Variants in XKR4 observed in about 807,000 individuals in gnomAD.
XKR4 encodes XK related 4.
Under a neutral mutation model 53.9 loss-of-function variants are expected in XKR4, and 12 were observed. The observed-to-expected ratio is 0.22, with a 90% CI of 0.14 to 0.36. The LOEUF (loss-of-function observed/expected upper bound fraction) is 0.36. Ranked by LOEUF, XKR4 falls within the 10% of genes least tolerant of loss-of-function variation. The pLI, the probability that XKR4 is intolerant of heterozygous loss-of-function variation, is 1.00. For synonymous variants in XKR4, 354 were observed against 362.4 expected, an observed-to-expected ratio of 0.98 and a Z score of 0.26; for missense variants, 799 against 859.5, an observed-to-expected ratio of 0.93 and a Z score of 0.88.
At chr8:55,522,357 TGTC>T (rs1475607877) in intron 2 of XKR4, among the ~76,000 whole-genome samples, 5 of 152,204 alleles carry the variant, frequency 3.3e-5, no homozygotes, top group Admixed American at 6.5e-5. Flanking sequence ...GGAACGGACA[TGTC>T]TTCTTTTGTG....
intron 1 of XKR4, among the ~76,000 whole-genome samples, chr8:55,202,040 G>A (rs1473083245): frequency 6.6e-6 from 1 of 152,192 alleles, no homozygotes; most frequent in Non-Finnish European, 1.5e-5. Context: ...TTAAAGAAGA[G>A]TAACTGCTCA....
intron 1 of XKR4, among the ~76,000 whole-genome samples, chr8:55,156,149 G>T (rs192394383): frequency 2.0e-5 from 3 of 152,072 alleles, no homozygotes; most frequent in South Asian, 2.1e-4. Context: ...GTGACTGTGG[G>T]AGAGGAGCTT....
intron 1 of XKR4, among the ~76,000 whole-genome samples, chr8:55,336,818 C>T (rs1199398605): frequency 6.6e-6 from 1 of 152,112 alleles, no homozygotes; most frequent in East Asian, 1.9e-4. Flanking sequence ...ATTAAACCAT[C>T]AGCACCATGA....
At chr8:55,307,939 C>A (rs749617905) in intron 1 of XKR4, among the ~76,000 whole-genome samples, 1 of 152,086 alleles carries the variant, frequency 6.6e-6, no homozygotes, top group Non-Finnish European at 1.5e-5. Context: ...ATGTATTAGT[C>A]CATTCTCACA....
chr8:55,334,412 C>T (rs1433886648), intron 1 of XKR4, among the ~76,000 whole-genome samples: 2 of 152,158 alleles, frequency 1.3e-5, no homozygotes, highest in African/African-American at 4.8e-5. Context: ...CCATCTATAA[C>T]AGTTTCTCAA....
At chr8:55,222,018 TG>T (rs1262889764) in intron 1 of XKR4, among the ~76,000 whole-genome samples, 1 of 152,226 alleles carries the variant, frequency 6.6e-6, no homozygotes, top group Non-Finnish European at 1.5e-5. Context: ...ACTGAGTCCA[TG>T]GGCCCTGCAT....
chr8:55,211,591 A>G (rs1406348083), intron 1 of XKR4, among the ~76,000 whole-genome samples: 1 of 152,152 alleles, frequency 6.6e-6, no homozygotes, highest in Middle Eastern at 3.2e-3. Context: ...TTATTTAATT[A>G]CTCCATGGGA....
chr8:55,275,920 TCTC>T (rs1818757258), intron 1 of XKR4, among the ~76,000 whole-genome samples: 2 of 152,154 alleles, frequency 1.3e-5, no homozygotes, highest in Non-Finnish European at 2.9e-5. Flanking sequence ...CTTGCTAAGA[TCTC>T]CTCCAAATAG....
At position 55,310,542 on chromosome 8, in the gene XKR4, A is replaced by T. The variant is rs139259824; in HGVS notation, c.807-47136A>T. Among the ~76,000 whole-genome samples the T allele has an allele frequency of 2.4e-3, 370 of 152,328 alleles. 2 individuals are homozygous for T. The highest frequency in any genetic ancestry group is 8.4e-3 in the African/African-American group (350 of 41,580). On this transcript the variant is annotated intron_variant, in intron 1 of 2. Transcript: ENST00000327381. ...AGATTCAAATTATTCTTTTCAAAGT[A>T]TCTTTTCAATATAATGGAATAAATG...
chr8:55,166,493 A>G (rs1200213394), intron 1 of XKR4, among the ~76,000 whole-genome samples: 4 of 152,252 alleles, frequency 2.6e-5, no homozygotes, highest in Non-Finnish European at 5.9e-5. Flanking sequence ...GCAAACAAAC[A>G]ATAGACAAAA....
intron 1 of XKR4, among the ~76,000 whole-genome samples, chr8:55,328,636 C>T (rs1803329790): frequency 1.3e-5 from 2 of 152,204 alleles, no homozygotes; most frequent in South Asian, 4.1e-4. Flanking sequence ...GCACAGAGAG[C>T]AGAGCCCAGC....
rs569753060 is a variant in XKR4 at position 55,540,758 on chromosome 8, C to T, written c.*16531C>T. 58 of 152,280 alleles carry T rather than the reference C, an allele frequency of 3.8e-4. No individual in the cohort carries two copies. The highest frequency in any genetic ancestry group is 6.8e-4 in the Non-Finnish European group (46 of 68,022). 9.4% of individuals were successfully genotyped at this position (152,280 alleles called of 1,614,324 possible). On this transcript the variant is annotated 3_prime_UTR_variant, in exon 3 of 3. Transcript: ENST00000327381. ...TCATCCTTCCTATGGATTCTTTTCTCAGTGTTTACTTAATTCTTTTTGCAG... is the reference window on the plus strand; with the variant it reads ...TCATCCTTCCTATGGATTCTTTTCTTAGTGTTTACTTAATTCTTTTTGCAG...
intron 2 of XKR4, among the ~76,000 whole-genome samples, chr8:55,367,643 T>G (rs2929010): frequency 0.75 from 114,266 of 152,126 alleles, 44,063 homozygotes; most frequent in African/African-American, 0.93. Flanking sequence ...ACGTGGCATT[T>G]TGAGTCCTCT....
chr8:55,365,632 G>A (rs942759297), intron 2 of XKR4, among the ~76,000 whole-genome samples: 1 of 149,810 alleles, frequency 6.7e-6, no homozygotes, highest in Admixed American at 6.6e-5. Context: ...GCTTGAACCC[G>A]GGAGGCGGAG....
At chr8:55,273,539 A>G (rs567978449) in intron 1 of XKR4, among the ~76,000 whole-genome samples, 5 of 152,078 alleles carry the variant, frequency 3.3e-5, no homozygotes, top group East Asian at 1.9e-4. Context: ...CCCTCCCTAA[A>G]CTTCTCCTGA....
At chr8:55,481,459 G>A (rs1446360855) in intron 2 of XKR4, among the ~76,000 whole-genome samples, 2 of 151,962 alleles carry the variant, frequency 1.3e-5, no homozygotes, top group African/African-American at 4.8e-5. Context: ...GAAAACCTAG[G>A]CAATACCATT....
chr8:55,238,435 A>T (rs1450141573), intron 1 of XKR4, among the ~76,000 whole-genome samples: 1 of 152,208 alleles, frequency 6.6e-6, no homozygotes, highest in Non-Finnish European at 1.5e-5. Flanking sequence ...TTGCTGTCTT[A>T]GGTGGCAGAG....
intron 1 of XKR4, among the ~76,000 whole-genome samples, chr8:55,312,579 G>A (rs16921585): frequency 0.12 from 18,355 of 151,998 alleles, 1,800 homozygotes; most frequent in African/African-American, 0.26. Flanking sequence ...GGCACTTTAG[G>A]GAATGATCAT....
intron 2 of XKR4, among the ~76,000 whole-genome samples, chr8:55,369,317 C>G (rs933747688): frequency 2.8e-5 from 4 of 144,304 alleles, no homozygotes; most frequent in African/African-American, 1.0e-4. Flanking sequence ...CCACTGCACT[C>G]CAGCCTAGGG....
Sources: gnomAD v4.1 joint callset for allele counts (sites outside exome capture counted in the v4.1 genomes callset) on GRCh38, gnomAD v4.1.1 for gene constraint, MANE v1.5 for transcripts, NCBI Gene and HGNC (gene_info 2026-07-23, HGNC 2026-07-21) for gene names.